CHD7: variants seen among roughly 807,000 people sequenced by gnomAD.
CHD7 encodes the protein chromodomain helicase DNA binding protein 7, also known as ATP-dependent chromatin remodeler CHD7.
Under a neutral mutation model 307.3 loss-of-function variants are expected in CHD7, and 24 were observed. That is an observed-to-expected ratio of 0.08 (90% CI 0.06 to 0.11). The LOEUF is 0.11. Among genes scored for constraint, CHD7 ranks in the 10% least tolerant of loss-of-function variants. The pLI is 1.00. For synonymous variants in CHD7, 1,363 were observed against 1,349.9 expected (o/e 1.01, Z -0.21); for missense variants, 3,106 against 3,727.1 (o/e 0.83, Z 4.34).
chr8:60,808,094 A>T (rs909154086), intron 6 of CHD7, 123 bp from the exon 7 acceptor site: 1 of 712,078 alleles, frequency 1.4e-6, no homozygotes, highest in Non-Finnish European at 2.4e-6. Context: ...TGCTCATCTT[A>T]CGTGAAGGTC....
chr8:60,709,763 A>C (rs545584837), intron 1 of CHD7, among the ~76,000 whole-genome samples: 1 of 152,222 alleles, frequency 6.6e-6, no homozygotes, highest in East Asian at 1.9e-4. Context: ...CACTATAACT[A>C]TATGGAAGCA....
At position 60,856,081 on chromosome 8, in the gene CHD7, G is replaced by A. The variant is rs754527047; in HGVS notation, c.7043G>A (p.Gly2348Asp). 7.4e-6 allele frequency: 12 copies of A among 1,611,622 alleles called. No individual in the cohort carries two copies. The highest frequency in any genetic ancestry group is 1.0e-5 in the Non-Finnish European group (12 of 1,178,850). Residue 2348 changes from glycine to aspartate, a missense_variant, in exon 33 of 38, where the codon GGT becomes GAT. Coordinates refer to ENST00000423902, the MANE Select transcript of CHD7 (RefSeq NM_017780.4). ...TTTGATTTCCAAGGCCTCATCCCAGGTTACACACCCACCACAGTGGACAGC... is the reference window on the plus strand; with the variant it reads ...TTTGATTTCCAAGGCCTCATCCCAGATTACACACCCACCACAGTGGACAGC... ...QMFDFQGLIP[G>D]YTPTTVDSPL...
intron 1 of CHD7, among the ~76,000 whole-genome samples, chr8:60,682,377 A>C (rs1311431138): frequency 6.6e-6 from 1 of 152,230 alleles, no homozygotes; most frequent in Admixed American, 6.5e-5. Context: ...CGAAGTCAAT[A>C]ATATGTTATA....
At chr8:60,784,889 A>G (rs1376482207) in intron 3 of CHD7, among the ~76,000 whole-genome samples, 3 of 152,144 alleles carry the variant, frequency 2.0e-5, no homozygotes, top group Non-Finnish European at 2.9e-5. Context: ...ATCAGGCTGT[A>G]TCTTTTTTCC....
At position 60,790,554 on chromosome 8, in the gene CHD7, A is replaced by G. The variant is rs1158919326; in HGVS notation, c.2097-4432A>G. Among the ~76,000 whole-genome samples, 6 of 152,118 alleles carry G rather than the reference A, an allele frequency of 3.9e-5. No homozygotes were observed. The East Asian group carries it at 1.2e-3, about 29-fold the overall frequency. Reference sequence around the variant, plus strand: ...TTGACGCTATGTGGGGGTTTCTTATATGAGTTAATGAGAAAAATATTTAGA... The same window carrying G: ...TTGACGCTATGTGGGGGTTTCTTATGTGAGTTAATGAGAAAAATATTTAGA... On this transcript the variant is annotated intron_variant, in intron 3 of 37. Transcript: ENST00000423902.
At chr8:60,686,451 C>T (rs1045255624) in intron 1 of CHD7, among the ~76,000 whole-genome samples, 1 of 151,846 alleles carries the variant, frequency 6.6e-6, no homozygotes, top group African/African-American at 2.4e-5. Flanking sequence ...GTGTAGACAT[C>T]GAATGGAAAG....
At chr8:60,758,020 C>G (rs982143482) in intron 2 of CHD7, among the ~76,000 whole-genome samples, 1 of 152,146 alleles carries the variant, frequency 6.6e-6, no homozygotes, top group Admixed American at 6.5e-5. Context: ...CTGGTTTTAT[C>G]TGTTGTTATT....
intron 6 of CHD7, among the ~76,000 whole-genome samples, chr8:60,807,861 T>C (rs1215316013): frequency 1.3e-5 from 2 of 152,278 alleles, no homozygotes; most frequent in African/African-American, 4.8e-5. Flanking sequence ...CAGTTGCTAA[T>C]TGGCTGCTGC....
Position 60,851,282 on chromosome 8 carries a change from A to C in CHD7, c.5628A>C (p.Ser1876=). 1 of 1,558,006 alleles carries C rather than the reference A, an allele frequency of 6.4e-7. No homozygotes were observed. The highest frequency in any genetic ancestry group is 8.7e-7 in the Non-Finnish European group (1 of 1,149,938). ...TCAAGGAATTTGCAAATTCTCCTTC[A>C]GAGGATAAGGAAGAATCCATGGAAA... ...DEIDEFANSP[S]EDKEESMEIH... is the part of the protein sequence containing the mutation. The change falls in exon 28 of 38, where the codon TCA becomes TCC. Residue 1876 remains serine, a synonymous_variant. Coordinates refer to ENST00000423902, the MANE Select transcript of CHD7 (RefSeq NM_017780.4).
At chr8:60,754,621 G>A (rs532740594) in intron 2 of CHD7, among the ~76,000 whole-genome samples, 1 of 152,106 alleles carries the variant, frequency 6.6e-6, no homozygotes, top group African/African-American at 2.4e-5. Context: ...TTTGTAGGGG[G>A]GAGCAAAAAT....
At position 60,743,356 on chromosome 8, in the gene CHD7, G is replaced by A. The variant is rs1284849559; in HGVS notation, c.1665+259G>A. Among the ~76,000 whole-genome samples the A allele has an allele frequency of 2.0e-5, 3 of 152,372 alleles. 1 individual carries two copies. Among genetic ancestry groups the A allele is most frequent in the Non-Finnish European group, 4.4e-5 (3 of 68,032 alleles). Reference sequence around the variant, plus strand: ...GGAGCTGGGTCACCGCTAGCAGGGAGATGGACAGAGGACTCAGAATGCTCA... The same window carrying A: ...GGAGCTGGGTCACCGCTAGCAGGGAAATGGACAGAGGACTCAGAATGCTCA... On this transcript the variant is annotated intron_variant, in intron 2 of 37. Coordinates refer to ENST00000423902, the MANE Select transcript of CHD7 (RefSeq NM_017780.4).
chr8:60,768,788 A>G (rs1810584076), intron 2 of CHD7, among the ~76,000 whole-genome samples: 1 of 152,122 alleles, frequency 6.6e-6, no homozygotes, highest in Non-Finnish European at 1.5e-5. Flanking sequence ...TTTTGGTACT[A>G]CAGAGTTCAT....
At chr8:60,814,731 G>A (rs1368643436) in intron 7 of CHD7, among the ~76,000 whole-genome samples, 2 of 152,136 alleles carry the variant, frequency 1.3e-5, no homozygotes, top group Non-Finnish European at 2.9e-5. Context: ...TGACAGTATT[G>A]CATATTATTT....
chr8:60,698,366 A>G (rs1806591676), intron 1 of CHD7, among the ~76,000 whole-genome samples: 1 of 152,208 alleles, frequency 6.6e-6, no homozygotes, highest in Non-Finnish European at 1.5e-5. Context: ...AATTATAATG[A>G]TGTCAGAGAA....
Position 60,836,124 on chromosome 8 carries a change from C to G in CHD7, c.3830C>G (p.Ser1277Cys). The change falls in exon 16 of 38, where the codon TCT (serine) becomes TGT (cysteine). Residue 1277 changes from serine to cysteine, a missense_variant. Physicochemically the swap from Ser to Cys is moderately radical, Grantham distance 112. Coordinates refer to ENST00000423902, the MANE Select transcript of CHD7 (RefSeq NM_017780.4). ...TTTAAAGAAACACACAATGCAGAGT[C>G]TCCAGATTTTCAGCTCCAGGCAATG... is the stretch of plus-strand genomic sequence containing the variant. ...EEFKETHNAE[S>C]PDFQLQAMIQ... 2 of 1,613,382 alleles carry G rather than the reference C, an allele frequency of 1.2e-6. No individual in the cohort carries two copies. Among genetic ancestry groups the G allele is most frequent in the Non-Finnish European group, 1.7e-6 (2 of 1,179,680 alleles).
intron 3 of CHD7, among the ~76,000 whole-genome samples, chr8:60,787,849 GAAAC>G (rs1811572827): frequency 1.8e-5 from 1 of 54,386 alleles, no homozygotes; most frequent in Non-Finnish European, 3.8e-5. Context: ...TTTTTTTTTT[GAAAC>G]AGACTCGCTC....
At chr8:60,716,740 A>G (rs1053230344) in intron 1 of CHD7, among the ~76,000 whole-genome samples, 6 of 152,236 alleles carry the variant, frequency 3.9e-5, no homozygotes, top group African/African-American at 7.2e-5. Context: ...ATCGTTGTCC[A>G]TAATGTTTAC....
At chr8:60,815,657 T>C (rs1052972021) in intron 7 of CHD7, among the ~76,000 whole-genome samples, 6 of 152,122 alleles carry the variant, frequency 3.9e-5, no homozygotes, top group African/African-American at 1.4e-4. Context: ...GTTTGCCCAG[T>C]GCAGGTATAG....
intron 2 of CHD7, among the ~76,000 whole-genome samples, chr8:60,762,540 G>A (rs1055128380): frequency 2.0e-5 from 3 of 152,092 alleles, no homozygotes; most frequent in Non-Finnish European, 4.4e-5. Flanking sequence ...AATCATACTT[G>A]GACCTATTTA....
Sources: allele counts gnomAD v4.1 joint callset (sites outside exome capture counted in the v4.1 genomes callset), GRCh38; gene constraint gnomAD v4.1.1; transcripts MANE v1.5; gene names NCBI Gene and HGNC (gene_info 2026-07-23, HGNC 2026-07-21).